SCRG1: variants seen among roughly 807,000 people sequenced by gnomAD.
SCRG1 encodes the protein scrapie-responsive protein 1.
A neutral mutation model predicts 7.7 loss-of-function variants in SCRG1; 3 were observed. That is an observed-to-expected ratio of 0.39 (90% CI 0.18 to 1.01). SCRG1 has a LOEUF of 1.01. Ranked by LOEUF, SCRG1 falls within the 50% of genes least tolerant of loss-of-function variation. SCRG1 has a pLI of 0.36. For synonymous variants in SCRG1, 46 were observed against 41.2 expected (o/e 1.12, Z -0.44); for missense variants, 110 against 117.2 (o/e 0.94, Z 0.28).
chr4:173,429,427 G>A, the SCRG1 span, among the ~76,000 whole-genome samples: 1 of 152,048 alleles, frequency 6.6e-6, no homozygotes, highest in African/African-American at 2.4e-5. Flanking sequence ...TAAGTAGTTG[G>A]GATGATAGGT....
the SCRG1 span, among the ~76,000 whole-genome samples, chr4:173,433,499 C>T: frequency 4.6e-5 from 7 of 152,276 alleles, no homozygotes; most frequent in Admixed American, 6.5e-5. Context: ...TGACATAGCC[C>T]GCCCTGTACA....
chr4:173,493,735 C>T, the SCRG1 span, among the ~76,000 whole-genome samples: 2 of 152,054 alleles, frequency 1.3e-5, no homozygotes, highest in African/African-American at 4.8e-5. Flanking sequence ...TTAAAATTGC[C>T]CTCTATTCTC....
chr4:173,444,953 G>A, the SCRG1 span, among the ~76,000 whole-genome samples: 5 of 152,016 alleles, frequency 3.3e-5, no homozygotes, highest in South Asian at 2.1e-4. Flanking sequence ...CCAAGAAAGC[G>A]TAATAATTGA....
At chr4:173,485,442 T>G in the SCRG1 span, among the ~76,000 whole-genome samples, 1 of 151,246 alleles carries the variant, frequency 6.6e-6, no homozygotes, top group African/African-American at 2.4e-5. Flanking sequence ...CAGCCTCATG[T>G]AAGCCATTAG....
At chr4:173,404,258 C>T (rs1739841982) in intron 2 of SCRG1, 1 of 152,152 alleles carries the variant, frequency 6.6e-6, no homozygotes, top group Non-Finnish European at 1.5e-5. Flanking sequence ...ACAACAGTAC[C>T]TTTTTAAAAA....
chr4:173,388,429 T>G, intron 2 of SCRG1, 34 bp from the exon 3 acceptor site: 1 of 1,481,712 alleles, frequency 6.7e-7, no homozygotes, highest in Non-Finnish European at 9.4e-7. Context: ...TAAATTCACC[T>G]TAAGGCTAAG....
At chr4:173,413,125 A>G in the SCRG1 span, among the ~76,000 whole-genome samples, 1 of 152,146 alleles carries the variant, frequency 6.6e-6, no homozygotes, top group African/African-American at 2.4e-5. Flanking sequence ...CAAAAAAAAA[A>G]AAGAAAGAAA....
chr4:173,402,331 A>C (rs561711398), upstream of SCRG1, among the ~76,000 whole-genome samples: 4 of 152,330 alleles, frequency 2.6e-5, no homozygotes, highest in South Asian at 8.3e-4. Flanking sequence ...AGAAATAGAA[A>C]ATCCTCACAA....
At chr4:173,388,472 A>AC (rs1373378834) in intron 2 of SCRG1, 77 bp from the exon 3 acceptor site, 2 of 974,988 alleles carry the variant, frequency 2.1e-6, no homozygotes, top group African/African-American at 3.3e-5. Flanking sequence ...TTAAAAATAG[A>AC]CAGTGATTTC....
upstream of SCRG1, among the ~76,000 whole-genome samples, chr4:173,400,802 A>C (rs1340330056): frequency 6.6e-6 from 1 of 152,146 alleles, no homozygotes; most frequent in Non-Finnish European, 1.5e-5. Flanking sequence ...AAATGGCGAG[A>C]CCCTGGCAGT....
At chr4:173,504,096 C>T in the SCRG1 span, among the ~76,000 whole-genome samples, 12 of 152,314 alleles carry the variant, frequency 7.9e-5, no homozygotes, top group South Asian at 4.1e-4. This position sits in a 1 kb window ranked among gnomAD's most constrained non-coding sequence, Gnocchi z 4.7. Context: ...GCCTAAGAGG[C>T]GACTGTGACC....
At chr4:173,500,729 A>ACCCGCCT in the SCRG1 span, among the ~76,000 whole-genome samples, 1 of 151,758 alleles carries the variant, frequency 6.6e-6, no homozygotes, top group Non-Finnish European at 1.5e-5. Context: ...CAAGGGATCC[A>ACCCGCCT]CCCGCCTCCG....
chr4:173,425,851 T>C, the SCRG1 span, among the ~76,000 whole-genome samples: 1 of 152,246 alleles, frequency 6.6e-6, no homozygotes, highest in African/African-American at 2.4e-5. Context: ...GCTATAATGA[T>C]AGTAATAGGC....
chr4:173,392,476 T>G (rs139884858), intron 1 of SCRG1, among the ~76,000 whole-genome samples: 1 of 152,344 alleles, frequency 6.6e-6, no homozygotes, highest in African/African-American at 2.4e-5. Flanking sequence ...TTCTGTGGCT[T>G]CCACCCACTA....
At chr4:173,467,066 A>G in the SCRG1 span, among the ~76,000 whole-genome samples, 1 of 152,176 alleles carries the variant, frequency 6.6e-6, no homozygotes, top group African/African-American at 2.4e-5. Flanking sequence ...ATCTCTACAT[A>G]AAAAGCAGAG....
chr4:173,464,029 G>A, the SCRG1 span, among the ~76,000 whole-genome samples: 2 of 152,104 alleles, frequency 1.3e-5, no homozygotes, highest in African/African-American at 2.4e-5. Context: ...AAGAGTCTGT[G>A]GTCAAGTAAG....
chr4:173,492,859 T>G, the SCRG1 span, among the ~76,000 whole-genome samples: 1 of 152,238 alleles, frequency 6.6e-6, no homozygotes, highest in Non-Finnish European at 1.5e-5. Flanking sequence ...GCAAAGTGAC[T>G]GGGAATTACA....
the SCRG1 span, among the ~76,000 whole-genome samples, chr4:173,449,448 T>G: frequency 6.6e-6 from 1 of 150,460 alleles, no homozygotes; most frequent in South Asian, 2.1e-4. Flanking sequence ...TTTTTTTTTT[T>G]TTTTTTTGGT....
the SCRG1 span, among the ~76,000 whole-genome samples, chr4:173,454,049 G>A: frequency 3.3e-5 from 5 of 149,520 alleles, no homozygotes; most frequent in East Asian, 7.9e-4. Flanking sequence ...CTGCACTCTG[G>A]CCTGCGTGAC....
Sources: gnomAD v4.1 joint callset for allele counts (sites outside exome capture counted in the v4.1 genomes callset) on GRCh38, gnomAD v4.1.1 for gene constraint, Gnocchi (gnomAD v3.1) non-coding constraint, MANE v1.5 for transcripts, NCBI Gene and HGNC (gene_info 2026-07-23, HGNC 2026-07-21) for gene names.